The following NTM variants were observed in gnomAD, a reference collection of about 807,000 sequenced individuals.
The protein encoded by NTM is IgLON family member 2.
A neutral mutation model predicts 42.1 loss-of-function variants in NTM; 13 were observed. The ratio of observed to expected loss-of-function variants is 0.31; its 90% CI spans 0.20 to 0.49. NTM has a LOEUF of 0.49. Among genes scored for constraint, NTM ranks in the 20% least tolerant of loss-of-function variants. The pLI is 0.99. For synonymous variants in NTM, 187 were observed against 179.2 expected, an observed-to-expected ratio of 1.04 and a Z score of -0.35; for missense variants, 373 against 452.8, an observed-to-expected ratio of 0.82 and a Z score of 1.60.
At chr11:131,671,679 C>T (rs1199309176) in intron 1 of NTM, 1 of 876,904 alleles carries the variant, frequency 1.1e-6, no homozygotes, top group South Asian at 5.2e-5. Context: ...AAGCAGACGC[C>T]TTGGGCTAAT....
chr11:132,264,964 T>C (rs1474915552), intron 4 of NTM, among the ~76,000 whole-genome samples: 1 of 152,182 alleles, frequency 6.6e-6, no homozygotes, highest in East Asian at 1.9e-4. Flanking sequence ...TATCTAATCC[T>C]AATTGCTTCC....
intron 2 of NTM, among the ~76,000 whole-genome samples, chr11:132,009,719 T>C (rs1293362411): frequency 6.6e-6 from 1 of 152,206 alleles, no homozygotes; most frequent in Non-Finnish European, 1.5e-5. Context: ...CTAGACCAAA[T>C]TGCCTCCCTG....
At chr11:132,300,338 A>G (rs1341776178) in intron 4 of NTM, among the ~76,000 whole-genome samples, 1 of 152,234 alleles carries the variant, frequency 6.6e-6, no homozygotes, top group Non-Finnish European at 1.5e-5. Flanking sequence ...ATATTTAGTC[A>G]TTTAATGCTC....
chr11:132,188,286 G>T (rs771000419), intron 3 of NTM, among the ~76,000 whole-genome samples: 2 of 152,140 alleles, frequency 1.3e-5, no homozygotes, highest in East Asian at 1.9e-4. Flanking sequence ...TAACCCAAAC[G>T]CCTCCTTTTA....
At chr11:131,456,583 G>A (rs559431856) in intron 1 of NTM, among the ~76,000 whole-genome samples, 2 of 152,164 alleles carry the variant, frequency 1.3e-5, no homozygotes, top group Non-Finnish European at 2.9e-5. Flanking sequence ...TTGCAAAGAG[G>A]GGGTTCAGCT....
At chr11:131,941,920 C>T (rs2059834779) in intron 2 of NTM, among the ~76,000 whole-genome samples, 3 of 152,164 alleles carry the variant, frequency 2.0e-5, no homozygotes, top group Non-Finnish European at 4.4e-5. Flanking sequence ...TTAAAGAACA[C>T]ACTTACAGTT....
intron 1 of NTM, among the ~76,000 whole-genome samples, chr11:131,667,508 G>A (rs538950254): frequency 1.3e-5 from 2 of 152,244 alleles, no homozygotes; most frequent in South Asian, 4.2e-4. Context: ...CAGCTCCCCA[G>A]TAGGGGAGCA....
At chr11:131,787,719 GT>G (rs1456606636) in intron 1 of NTM, among the ~76,000 whole-genome samples, 2 of 152,078 alleles carry the variant, frequency 1.3e-5, no homozygotes, top group Non-Finnish European at 2.9e-5. Context: ...AAGTTTTATT[GT>G]TTTCTATGCC....
chr11:131,811,935 A>G (rs1172131661), intron 1 of NTM, among the ~76,000 whole-genome samples: 1 of 152,160 alleles, frequency 6.6e-6, no homozygotes, highest in African/African-American at 2.4e-5. Context: ...CTAAAAAGTC[A>G]CCATACCGTT....
chr11:131,847,261 C>A (rs887744134), intron 1 of NTM, among the ~76,000 whole-genome samples: 1 of 151,986 alleles, frequency 6.6e-6, no homozygotes, highest in African/African-American at 2.4e-5. Context: ...GAATTCCACT[C>A]TTATTATATA....
At chr11:131,621,429 G>T (rs4547102) in intron 1 of NTM, among the ~76,000 whole-genome samples, 68,054 of 151,730 alleles carry the variant, frequency 0.45, 16,502 homozygotes, top group African/African-American at 0.64. Context: ...TCTAAATGAC[G>T]GTCATGGCCA....
intron 3 of NTM, among the ~76,000 whole-genome samples, chr11:132,196,949 AAAG>A (rs1283280909): frequency 6.6e-6 from 1 of 152,178 alleles, no homozygotes; most frequent in Non-Finnish European, 1.5e-5. Context: ...CAAGAGAAAA[AAAG>A]AAAATAAAAA....
At position 132,265,547 on chromosome 11, in the gene NTM, C is replaced by A. The variant is rs557146038; in HGVS notation, c.527-42142C>A. Among the ~76,000 whole-genome samples, 13 of 152,276 alleles carry A rather than the reference C, an allele frequency of 8.5e-5. No homozygotes were observed. In the South Asian group the frequency reaches 2.7e-3, roughly 32 times the overall value. Reference sequence around the variant, plus strand: ...TTGGATTCTTCCCTTGCATAAAAACCAGCACTGATGTTAATGTAATCTAAG... The same window carrying A: ...TTGGATTCTTCCCTTGCATAAAAACAAGCACTGATGTTAATGTAATCTAAG... On this transcript the variant is annotated intron_variant, in intron 4 of 8. Transcript: ENST00000683400.
At chr11:131,655,591 G>A (rs910107661) in intron 1 of NTM, among the ~76,000 whole-genome samples, 1 of 152,206 alleles carries the variant, frequency 6.6e-6, no homozygotes, top group African/African-American at 2.4e-5. Flanking sequence ...CTGTGGGCTT[G>A]GCCTGCTGGT....
intron 1 of NTM, among the ~76,000 whole-genome samples, chr11:131,892,853 G>A (rs529116704): frequency 2.2e-4 from 34 of 152,346 alleles, no homozygotes; most frequent in Middle Eastern, 3.4e-3. Flanking sequence ...CCCCACAGCA[G>A]GGCCACCTCA....
intron 1 of NTM, among the ~76,000 whole-genome samples, chr11:131,611,548 AAAG>A (rs2061467835): frequency 6.6e-6 from 1 of 152,222 alleles, no homozygotes; most frequent in Non-Finnish European, 1.5e-5. Context: ...CCACTTACAT[AAAG>A]AAGGAGGAAA....
chr11:131,417,772 A>T (rs1315106854), intron 1 of NTM, among the ~76,000 whole-genome samples: 1 of 152,212 alleles, frequency 6.6e-6, no homozygotes, highest in East Asian at 1.9e-4. Context: ...CTCTAGGAAG[A>T]TGGGGCCTAA....
chr11:131,716,369 A>T (rs1315858908), intron 1 of NTM, among the ~76,000 whole-genome samples: 1 of 152,134 alleles, frequency 6.6e-6, no homozygotes, highest in Non-Finnish European at 1.5e-5. Flanking sequence ...ATATGGTTTT[A>T]CTTCTTTTGA....
intron 3 of NTM, among the ~76,000 whole-genome samples, chr11:132,193,371 G>T (rs1011954471): frequency 9.2e-5 from 14 of 151,966 alleles, no homozygotes; most frequent in African/African-American, 3.4e-4. Context: ...CCATAAAATT[G>T]CATGGAAGTT....
Sources: allele counts gnomAD v4.1 joint callset (sites outside exome capture counted in the v4.1 genomes callset), GRCh38; gene constraint gnomAD v4.1.1; transcripts MANE v1.5; gene names NCBI Gene and HGNC (gene_info 2026-07-23, HGNC 2026-07-21).